ORC4: variants seen among roughly 807,000 people sequenced by gnomAD.
The protein encoded by ORC4 is origin recognition complex, subunit 4 homolog.
A neutral mutation model predicts 63.9 loss-of-function variants in ORC4; 55 were observed. The observed-to-expected ratio is 0.86, with a 90% CI of 0.69 to 1.08. The LOEUF is 1.08. ORC4 is among the 50% of genes least tolerant of loss of function. ORC4 has a pLI of 0.00. For missense variants in ORC4, 511 were observed against 504.4 expected (o/e 1.01, Z -0.13); for synonymous variants, 150 against 168.5 (o/e 0.89, Z 0.85).
Position 147,952,433 on chromosome 2 carries a change from A to C in ORC4, c.528T>G (p.Leu176=), listed in dbSNP as rs757932218. The part of the protein sequence containing the change: ...HHKNQTLLYN[L]FDISQSAQTP... ...TCTGTGCAGACTGAGAAATGTCAAA[A>C]AGATTATAGAGAAGTGTTTGGTTTT... The change falls in exon 8 of 14, where the codon CTT becomes CTG. Residue 176 remains leucine (L), a synonymous_variant. Transcript: ENST00000392857. 5 of 1,610,816 alleles carry C rather than the reference A, an allele frequency of 3.1e-6. No homozygotes were observed. Among genetic ancestry groups the C allele is most frequent in the Non-Finnish European group, 4.2e-6 (5 of 1,177,106 alleles).
At chr2:147,987,413 A>ACAC (rs1558863669) in intron 1 of ORC4, among the ~76,000 whole-genome samples, 16 of 140,398 alleles carry the variant, frequency 1.1e-4, no homozygotes, top group African/African-American at 2.3e-4. Flanking sequence ...CACACACACA[A>ACAC]AAAGTAACAT....
intron 4 of ORC4, among the ~76,000 whole-genome samples, chr2:147,963,408 G>T (rs376570649): frequency 6.6e-6 from 1 of 152,160 alleles, no homozygotes; most frequent in African/African-American, 2.4e-5. Flanking sequence ...AGCCTCACAG[G>T]ACGCCTCTAG....
upstream of ORC4, chr2:148,021,024 C>G (rs2105505082): frequency 6.6e-6 from 1 of 152,400 alleles, no homozygotes; most frequent in African/African-American, 2.4e-5. Context: ...CAACCAGCCA[C>G]CCGTCAGAGA....
At chr2:147,958,889 A>G in intron 4 of ORC4, 23 bp from the exon 5 acceptor site, 1 of 941,470 alleles carries the variant, frequency 1.1e-6, no homozygotes, top group Non-Finnish European at 1.7e-6. Flanking sequence ...AGTTTATGAA[A>G]TAATAATAGG....
chr2:147,960,940 AT>A (rs769182354), intron 4 of ORC4, among the ~76,000 whole-genome samples: 4,417 of 150,736 alleles, frequency 0.029, 93 homozygotes, highest in Non-Finnish European at 0.048. Flanking sequence ...AGCCATATCA[AT>A]TTTTTTTTTA....
chr2:147,935,305 C>A lies in ORC4; in HGVS notation c.*205G>T, dbSNP rs1273652224. Reference sequence around the variant, plus strand: ...TTTTATTCTTCTGAACAGCTACTTACAAAGTAATCTCAATCAGTGAAATTA... The same window carrying A: ...TTTTATTCTTCTGAACAGCTACTTAAAAAGTAATCTCAATCAGTGAAATTA... On this transcript the variant is annotated 3_prime_UTR_variant, in exon 14 of 14. Coordinates refer to ENST00000392857, the MANE Select transcript of ORC4 (RefSeq NM_181741.4). 3.4e-6 allele frequency: 2 copies of A among 583,124 alleles called. No individual in the cohort carries two copies. The highest frequency in any genetic ancestry group is 2.0e-5 in the South Asian group (1 of 50,502). The allele number at this position is 583,124 out of a possible 1,614,324, so 36.1% of individuals were successfully genotyped here.
chr2:147,935,158 T>C lies in ORC4; in HGVS notation c.*352A>G, dbSNP rs147163546. The C allele has an allele frequency of 1.1e-4, 26 of 231,550 alleles. No homozygotes were observed. The highest frequency in any genetic ancestry group is 2.2e-4 in the Non-Finnish European group (25 of 116,168). 14.3% of individuals were successfully genotyped at this position (231,550 alleles called of 1,614,324 possible). A position where few individuals can be genotyped will look rare whatever the true frequency, so the allele number is the denominator to read the frequency against. On this transcript the variant is annotated 3_prime_UTR_variant, in exon 14 of 14. Coordinates refer to ENST00000392857, the MANE Select transcript of ORC4 (RefSeq NM_181741.4). ...CTTCAGTGCTTACCATTGTTTTTTT[T>C]ACTCCTTTGGTTTAAGGTTTGTAAA...
At chr2:147,986,277 T>C (rs983732385) in intron 1 of ORC4, among the ~76,000 whole-genome samples, 2 of 152,166 alleles carry the variant, frequency 1.3e-5, no homozygotes, top group African/African-American at 2.4e-5. Flanking sequence ...AGAAATACTT[T>C]AGCAGTAACT....
intron 1 of ORC4, among the ~76,000 whole-genome samples, chr2:147,980,219 G>C (rs1248816738): frequency 4.0e-5 from 6 of 151,440 alleles, no homozygotes; most frequent in Admixed American, 6.6e-5. Flanking sequence ...AGAAAATTTA[G>C]AGGGGAAAAA....
Position 147,930,981 on chromosome 2 carries a change from T to A in ORC4, c.*4529A>T, listed in dbSNP as rs951324854. 2 of 149,802 alleles carry A rather than the reference T, an allele frequency of 1.3e-5. No homozygotes were observed. The highest frequency in any genetic ancestry group is 4.9e-5 in the African/African-American group (2 of 40,876). 9.3% of individuals were successfully genotyped at this position (149,802 alleles called of 1,614,324 possible). On this transcript the variant is annotated 3_prime_UTR_variant, in exon 14 of 14. Transcript: ENST00000392857. ...CTAACTCGTCATCTAGCATTAGGTA[T>A]ATCTCCTAATGCTATCCCTCCCCCA...
At chr2:147,991,343 C>T (rs1289016132) in intron 1 of ORC4, among the ~76,000 whole-genome samples, 1 of 151,986 alleles carries the variant, frequency 6.6e-6, no homozygotes, top group Non-Finnish European at 1.5e-5. Context: ...GCCACTGCAC[C>T]CCATACATAT....
At chr2:147,974,145 GGCAAA>G (rs1690384478) in intron 2 of ORC4, among the ~76,000 whole-genome samples, 1 of 152,040 alleles carries the variant, frequency 6.6e-6, no homozygotes, top group Non-Finnish European at 1.5e-5. Flanking sequence ...CATGTACAGA[GGCAAA>G]GCAAAGAAAA....
chr2:147,933,343 G>T lies in ORC4; in HGVS notation c.*2167C>A, dbSNP rs1687871348. 6.6e-6 allele frequency: 1 copy of T among 152,006 alleles called. No homozygotes were observed. Among genetic ancestry groups the T allele is most frequent in the Non-Finnish European group, 1.5e-5 (1 of 67,992 alleles). The allele number at this position is 152,006 out of a possible 1,614,324, so 9.4% of individuals were successfully genotyped here. On this transcript the variant is annotated 3_prime_UTR_variant, in exon 14 of 14. Coordinates refer to ENST00000392857, the MANE Select transcript of ORC4 (RefSeq NM_181741.4). ...TCAAAACTCTTGCGAATAGATTTTA[G>T]CATTTTTGTATGAGGGAATATGGAA... is the stretch of plus-strand genomic sequence containing the variant.
rs1239828309 is a variant in ORC4, at chr2:147,943,500, A to T, written c.785T>A (p.Val262Glu). 1 of 1,594,112 alleles carries T rather than the reference A, an allele frequency of 6.3e-7. No individual in the cohort carries two copies. The highest frequency in any genetic ancestry group is 2.2e-5 in the East Asian group (1 of 44,690). ...GAAATGCTTCTGTAGTACTTCTTGC[A>T]CACTTCTATCTTCTGAGAGATACTA... ...NVQYLSEDRS[V>E]QEVLQKHFNI... The change falls in exon 10 of 14, where the codon GTG becomes GAG. Residue 262 changes from valine (V) to glutamate (E), a missense_variant. By Grantham distance (121) the Val-to-Glu change is moderately radical. Coordinates refer to ENST00000392857, the MANE Select transcript of ORC4 (RefSeq NM_181741.4).
At chr2:147,955,756 T>C (rs1055319172) in intron 6 of ORC4, among the ~76,000 whole-genome samples, 5 of 152,056 alleles carry the variant, frequency 3.3e-5, no homozygotes, top group African/African-American at 9.6e-5. Flanking sequence ...ATTCTAAATA[T>C]AGTTTGAGAC....
chr2:147,964,816 C>A (rs1163449261), intron 4 of ORC4, among the ~76,000 whole-genome samples: 1 of 151,936 alleles, frequency 6.6e-6, no homozygotes, highest in African/African-American at 2.4e-5. Flanking sequence ...TTTAAAACAT[C>A]TTTCATCCTT....
chr2:147,951,634 C>A (rs1688965497), intron 8 of ORC4: 1 of 152,150 alleles, frequency 6.6e-6, no homozygotes, highest in Admixed American at 6.6e-5. Context: ...TTTCAGCCTG[C>A]AGAACTGTGA....
chr2:148,021,120 C>A (rs1055380849), upstream of ORC4: 2 of 152,896 alleles, frequency 1.3e-5, no homozygotes, highest in African/African-American at 2.4e-5. Flanking sequence ...GCAGCAGCAG[C>A]TGATGATGAA....
chr2:147,981,042 C>CA (rs1238128017), intron 1 of ORC4, among the ~76,000 whole-genome samples: 1 of 152,036 alleles, frequency 6.6e-6, no homozygotes, highest in Non-Finnish European at 1.5e-5. Flanking sequence ...CAGCCTTAAA[C>CA]AAAAAAGAAA....
Sources: gnomAD v4.1 joint callset for allele counts (sites outside exome capture counted in the v4.1 genomes callset) on GRCh38, gnomAD v4.1.1 for gene constraint, MANE v1.5 for transcripts, NCBI Gene and HGNC (gene_info 2026-07-23, HGNC 2026-07-21) for gene names.